OXA1L: variants seen among roughly 807,000 people sequenced by gnomAD.
OXA1L encodes the protein OXA1L mitochondrial inner membrane insertase, also known as mitochondrial inner membrane protein OXA1L.
Under a neutral mutation model 52.2 loss-of-function variants are expected in OXA1L, and 42 were observed. The observed-to-expected ratio is 0.80, with a 90% confidence interval of 0.63 to 1.04. The LOEUF (loss-of-function observed/expected upper bound fraction) is 1.04, where lower values mean the gene tolerates loss of function less well. OXA1L is among the 50% of genes least tolerant of loss of function. The probability of loss-of-function intolerance (pLI) is 0.00; values close to 1 mark genes in which losing one functional copy is unlikely to be tolerated. For synonymous variants in OXA1L, 239 were observed against 201.9 expected (o/e 1.18, Z -1.56); for missense variants, 572 against 555.0 (o/e 1.03, Z -0.31).
rs3764163 is a variant in OXA1L at position 22,768,337 on chromosome 14, C to T, written c.439+166C>T. 3.2e-3 allele frequency: 1,911 copies of T among 606,222 alleles called. 93 individuals carry two copies. The East Asian group carries it at 0.052, about 17-fold the overall frequency. 37.6% of individuals were successfully genotyped at this position (606,222 alleles called of 1,614,324 possible). A position where few individuals can be genotyped will look rare whatever the true frequency, so the allele number is the denominator to read the frequency against. On this transcript the variant is annotated intron_variant, in intron 3 of 9. Transcript: ENST00000612549. ...ACCTAGATGCACTCTGCCTATATTT[C>T]TTAAAGAGCATTATAAAACCACCAG...
At chr14:22,769,477 A>T (rs2038439082) in intron 3 of OXA1L, among the ~76,000 whole-genome samples, 1 of 152,090 alleles carries the variant, frequency 6.6e-6, no homozygotes, top group Admixed American at 6.5e-5. Context: ...GCTTTTACTC[A>T]TATCACCTCA....
intron 7 of OXA1L, 43 bp from the exon 8 acceptor site, chr14:22,770,975 C>T (rs765558393): frequency 6.2e-7 from 1 of 1,611,764 alleles, no homozygotes; most frequent in South Asian, 1.1e-5. Flanking sequence ...GCAAGCTGAC[C>T]AGGGATACAG....
In OXA1L at chr14:22,772,732, C is replaced by A. The variant is rs1354197408; in HGVS notation, c.*1174C>A. ...AAGTTCCAGGCTGGGCAAAGTGGCT[C>A]ACACCTATAATCTCAGCACTTTGGG... On this transcript the variant is annotated 3_prime_UTR_variant, in exon 10 of 10. Coordinates refer to ENST00000612549, the MANE Select transcript of OXA1L (RefSeq NM_005015.5). 1 of 152,342 alleles carries A rather than the reference C, an allele frequency of 6.6e-6. No homozygotes were observed. Among genetic ancestry groups the A allele is most frequent in the Non-Finnish European group, 1.5e-5 (1 of 68,264 alleles). 9.4% of individuals were successfully genotyped at this position (152,342 alleles called of 1,614,324 possible). A position where few individuals can be genotyped will look rare whatever the true frequency, so the allele number is the denominator to read the frequency against.
intron 6 of OXA1L, 68 bp downstream of exon 6, chr14:22,770,693 C>A: frequency 1.3e-6 from 2 of 1,561,478 alleles, no homozygotes; most frequent in Non-Finnish European, 1.8e-6. Flanking sequence ...AGTAGTTGTA[C>A]AGAATGGTCA....
At chr14:22,767,040 C>T (rs1342604586) in intron 1 of OXA1L, 2 of 1,536,030 alleles carry the variant, frequency 1.3e-6, no homozygotes, top group Non-Finnish European at 1.7e-6. Context: ...AACTGAGATG[C>T]GGGGAACCCA....
At position 22,772,482 on chromosome 14, in the gene OXA1L, CCTT is replaced by C. The variant is rs1275701003; in HGVS notation, c.*927_*929del. The C allele has an allele frequency of 1.2e-5, 1 of 80,132 alleles. No individual in the cohort carries two copies. Among genetic ancestry groups the C allele is most frequent in the Non-Finnish European group, 2.1e-5 (1 of 48,714 alleles). 5.0% of individuals were successfully genotyped at this position (80,132 alleles called of 1,614,324 possible). ...CCAGCCTGGGCAAGAGAGTGAGACT[CCTT>C]CTCAAAAAAAAAAAAAAAAAAAAAA... On this transcript the variant is annotated 3_prime_UTR_variant, in exon 10 of 10. Coordinates refer to ENST00000612549, the MANE Select transcript of OXA1L (RefSeq NM_005015.5).
rs56136068 is a variant in OXA1L, at chr14:22,772,488, C to CAAAAAAAAAAAAAAAAAAAAAAAAAAAAA, written c.*933_*961dup. The CAAAAAAAAAAAAAAAAAAAAAAAAAAAAA allele has an allele frequency of 2.6e-5, 2 of 76,010 alleles. No individual in the cohort carries two copies. The highest frequency in any genetic ancestry group is 1.6e-4 in the Admixed American group (1 of 6,366). The allele number at this position is 76,010 out of a possible 1,614,324, so 4.7% of individuals were successfully genotyped here. On this transcript the variant is annotated 3_prime_UTR_variant, in exon 10 of 10. Transcript: ENST00000612549. ...TGGGCAAGAGAGTGAGACTCCTTCT[C>CAAAAAAAAAAAAAAAAAAAAAAAAAAAAA]AAAAAAAAAAAAAAAAAAAAAAAAA...
chr14:22,769,835 G>A lies in OXA1L; in HGVS notation c.484G>A (p.Gly162Ser). The change falls in exon 4 of 10, where the codon GGC becomes AGC. Residue 162 changes from glycine (G) to serine (S), a missense_variant. Around this residue, in one of 5 missense-constraint regions of OXA1L, gnomAD observed 132 missense variants for 124.0 expected, o/e 1.06. Transcript: ENST00000612549. ...RCLIFPLIVT[G>S]QREAARIHNH... ...CCTGATTTTTCCTCTCATCGTGACG[G>A]GCCAGCGAGAGGCAGCCAGGATCCA... is the stretch of plus-strand genomic sequence containing the variant. The A allele has an allele frequency of 6.2e-7, 1 of 1,614,080 alleles. No individual in the cohort carries two copies. The highest frequency in any genetic ancestry group is 8.5e-7 in the Non-Finnish European group (1 of 1,180,024).
intron 1 of OXA1L, 158 bp downstream of exon 1, chr14:22,766,922 C>T: frequency 2.0e-6 from 3 of 1,514,494 alleles, no homozygotes; most frequent in Non-Finnish European, 1.8e-6. Context: ...AGGGTTAGTC[C>T]CCGACACTAT....
In OXA1L at chr14:22,772,872, C is replaced by T; in HGVS notation, c.*1314C>T. 5.9e-6 allele frequency: 1 copy of T among 169,644 alleles called. No homozygotes were observed. The highest frequency in any genetic ancestry group is 1.5e-4 in the South Asian group (1 of 6,874). The allele number at this position is 169,644 out of a possible 1,614,324, so 10.5% of individuals were successfully genotyped here. ...GAGCATGGTGGTGCTTGTCCATAGTCCCAGCTACCTGGGAGGCTGAGGTGG... is the reference window on the plus strand; with the variant it reads ...GAGCATGGTGGTGCTTGTCCATAGTTCCAGCTACCTGGGAGGCTGAGGTGG... On this transcript the variant is annotated 3_prime_UTR_variant, in exon 10 of 10. Coordinates refer to ENST00000612549, the MANE Select transcript of OXA1L (RefSeq NM_005015.5).
At chr14:22,769,137 C>T (rs2038435627) in intron 3 of OXA1L, among the ~76,000 whole-genome samples, 1 of 151,936 alleles carries the variant, frequency 6.6e-6, no homozygotes, top group Admixed American at 6.6e-5. Context: ...ACTATAGTCA[C>T]CCTGTTGTGC....
chr14:22,768,117 C>T lies in OXA1L; in HGVS notation c.385C>T (p.Leu129=), dbSNP rs1407545581. Residue 129 remains leucine, a synonymous_variant, in exon 3 of 10, where the codon CTG becomes TTG. Transcript: ENST00000612549. ...CCCAGTGGGACTGATCCAGAATTTA[C>T]TGGAATTTATGCATGTTGATCTGGG... ...YTPVGLIQNL[L]EFMHVDLGLP... 1.9e-6 allele frequency: 3 copies of T among 1,614,062 alleles called. No individual in the cohort carries two copies. The highest frequency in any genetic ancestry group is 1.3e-5 in the African/African-American group (1 of 74,920).
chr14:22,768,955 C>G (rs1169556806), intron 3 of OXA1L: 5 of 152,054 alleles, frequency 3.3e-5, no homozygotes, highest in Admixed American at 2.6e-4. Context: ...CGGAGTCTTG[C>G]TCTGTCACCC....
rs1455547764 is a variant in OXA1L, at chr14:22,772,759, G to C, written c.*1201G>C. The C allele has an allele frequency of 1.3e-5, 2 of 154,002 alleles. No homozygotes were observed. Among genetic ancestry groups the C allele is most frequent in the Non-Finnish European group, 2.9e-5 (2 of 69,306 alleles). The allele number at this position is 154,002 out of a possible 1,614,324, so 9.5% of individuals were successfully genotyped here. On this transcript the variant is annotated 3_prime_UTR_variant, in exon 10 of 10. Transcript: ENST00000612549. ...CACCTATAATCTCAGCACTTTGGGA[G>C]GCTGAGGTGGGTAGATCACTTGAGT... is the stretch of plus-strand genomic sequence containing the variant.
In OXA1L at chr14:22,771,628, C is replaced by T; in HGVS notation, c.*70C>T. Reference sequence around the variant, plus strand: ...GACTCATCCTCAAAACAAGACTTGACACTGTGTCCTTGCCCCAGTCCTAGG... The same window carrying T: ...GACTCATCCTCAAAACAAGACTTGATACTGTGTCCTTGCCCCAGTCCTAGG... On this transcript the variant is annotated 3_prime_UTR_variant, in exon 10 of 10. Transcript: ENST00000612549. The T allele has an allele frequency of 6.6e-7, 1 of 1,522,556 alleles. No individual in the cohort carries two copies. Among genetic ancestry groups the T allele is most frequent in the Non-Finnish European group, 9.1e-7 (1 of 1,099,194 alleles). The allele number at this position is 1,522,556 out of a possible 1,614,324, so 94.3% of individuals were successfully genotyped here.
At chr14:22,766,789 C>T (rs750466169) in intron 1 of OXA1L, 25 bp downstream of exon 1, 5 of 1,613,416 alleles carry the variant, frequency 3.1e-6, no homozygotes, top group Admixed American at 1.7e-5. Flanking sequence ...GGGCAGAGCA[C>T]CGGGATGCTG....
In OXA1L at chr14:22,770,954, C is replaced by G. The variant is rs761502589; in HGVS notation, c.939+45C>G. On this transcript the variant is annotated intron_variant, in intron 7 of 9. Transcript: ENST00000612549. ...CTGGCTCCAAGGCCTTCTGCCTAGC[C>G]TAGCCACCTAGCAAGCTGACCAGGG... 2.5e-6 allele frequency: 4 copies of G among 1,612,696 alleles called. No homozygotes were observed. The African/African-American group carries it at 4.0e-5, about 16-fold the overall frequency.
At chr14:22,768,194 A>G (rs750105896) in intron 3 of OXA1L, 23 bp downstream of exon 3, 2 of 1,578,938 alleles carry the variant, frequency 1.3e-6, no homozygotes, top group Non-Finnish European at 1.7e-6. Flanking sequence ...TACCCTGGAC[A>G]TGGGTTAGGG....
Position 22,768,068 on chromosome 14 carries a change from T to C in OXA1L, c.336T>C (p.Ala112=). The change falls in exon 3 of 10, where the codon GCT becomes GCC. Residue 112 remains alanine, a synonymous_variant. Transcript: ENST00000612549. ...VVQTAAEQSF[A]ELGLGSYTPV... ...AAACTGCTGCAGAGCAGAGCTTCGC[T>C]GAACTGGGGCTGGGGTCATACACCC... is the stretch of plus-strand genomic sequence containing the variant. 1 of 1,614,184 alleles carries C rather than the reference T, an allele frequency of 6.2e-7. No individual in the cohort carries two copies. Among genetic ancestry groups the C allele is most frequent in the South Asian group, 1.1e-5 (1 of 91,086 alleles).
Sources: gnomAD v4.1 joint callset for allele counts (sites outside exome capture counted in the v4.1 genomes callset) on GRCh38, gnomAD v4.1.1 for gene constraint, gnomAD v4.1.1 regional missense constraint, MANE v1.5 for transcripts, NCBI Gene and HGNC (gene_info 2026-07-23, HGNC 2026-07-21) for gene names.